The following ANO2 variants were observed in gnomAD, a reference collection of about 807,000 sequenced individuals.
ANO2 encodes anoctamin-2.
A neutral mutation model predicts 124.2 loss-of-function variants in ANO2; 101 were observed. The ratio of observed to expected loss-of-function variants is 0.81; its 90% confidence interval spans 0.69 to 0.96. The LOEUF is 0.96. ANO2 is among the 40% of genes least tolerant of loss of function. ANO2 has a pLI of 0.00. For synonymous variants in ANO2, 486 were observed against 482.5 expected (o/e 1.01, Z -0.09); for missense variants, 1,293 against 1,274.5 (o/e 1.01, Z -0.22).
At chr12:5,724,890 T>G (rs1950375678) in intron 14 of ANO2, among the ~76,000 whole-genome samples, 1 of 152,162 alleles carries the variant, frequency 6.6e-6, no homozygotes, top group Admixed American at 6.5e-5. Context: ...AATAGGATTT[T>G]GTTTTAAAGT....
chr12:5,591,603 G>C (rs1335975005), intron 20 of ANO2, among the ~76,000 whole-genome samples: 3 of 152,132 alleles, frequency 2.0e-5, no homozygotes, highest in Non-Finnish European at 4.4e-5. Flanking sequence ...ATTGAGAGAA[G>C]GGTGGGAGAG....
chr12:5,817,238 A>C (rs891335706), intron 7 of ANO2, among the ~76,000 whole-genome samples: 1 of 152,240 alleles, frequency 6.6e-6, no homozygotes, highest in Admixed American at 6.5e-5. Flanking sequence ...AAAACTCTGC[A>C]AGATAGATAT....
Position 5,787,793 on chromosome 12 carries a change from C to T in ANO2, c.1055+11714G>A, listed in dbSNP as rs1952580838. 6.6e-6 allele frequency among the ~76,000 whole-genome samples: 1 copy of T among 152,164 alleles called. No individual in the cohort carries two copies. Among genetic ancestry groups the T allele is most frequent in the Non-Finnish European group, 1.5e-5 (1 of 68,040 alleles). On this transcript the variant is annotated intron_variant, in intron 10 of 24. Transcript: ENST00000682330. This position sits in a 1 kb window ranked among gnomAD's most constrained non-coding sequence, Gnocchi z 4.2. ...GCCTTATATCTCCATTCCCATTACACTTCTGTCCTCCTCTCTAGTCATCTC... is the reference window on the plus strand; with the variant it reads ...GCCTTATATCTCCATTCCCATTACATTTCTGTCCTCCTCTCTAGTCATCTC...
intron 3 of ANO2, among the ~76,000 whole-genome samples, chr12:5,885,693 G>A (rs767022647): frequency 5.3e-5 from 8 of 152,144 alleles, no homozygotes; most frequent in Non-Finnish European, 1.0e-4. Context: ...CTAGCCCCGA[G>A]TTCTTTGAAA....
chr12:5,938,559 G>A (rs530450442), intron 1 of ANO2, among the ~76,000 whole-genome samples: 4 of 152,270 alleles, frequency 2.6e-5, no homozygotes, highest in Admixed American at 6.5e-5. Flanking sequence ...GGTGGCTCAC[G>A]CCTATAATCC....
chr12:5,563,425 A>G lies in ANO2; in HGVS notation c.2871T>C (p.Asp957=). 6.2e-7 allele frequency: 1 copy of G among 1,613,100 alleles called. No homozygotes were observed. Among genetic ancestry groups the G allele is most frequent in the African/African-American group, 1.3e-5 (1 of 75,030 alleles). The change falls in exon 25 of 25, where the codon GAT becomes GAC. Residue 957 remains aspartate (D), a synonymous_variant. Coordinates refer to ENST00000682330, the MANE Select transcript of ANO2 (RefSeq NM_001364791.2). ...KEEHEKLKLM[D]EPALRSPGGG... ...CTCCTGGGCTCCTCAGAGCCGGCTC[A>G]TCCATCAGCTTGAGCTTCTCATGCT...
intron 14 of ANO2, among the ~76,000 whole-genome samples, chr12:5,681,685 T>C (rs1179194355): frequency 1.3e-5 from 2 of 152,236 alleles, no homozygotes; most frequent in Non-Finnish European, 2.9e-5. Context: ...ACCTTTTCCT[T>C]CCTTATTCAG....
intron 16 of ANO2, among the ~76,000 whole-genome samples, chr12:5,634,244 G>C (rs1945883672): frequency 6.6e-6 from 1 of 152,124 alleles, no homozygotes; most frequent in African/African-American, 2.4e-5. Flanking sequence ...GGCCAAGCAA[G>C]GGAAAGGCAC....
intron 23 of ANO2, among the ~76,000 whole-genome samples, chr12:5,570,758 A>G (rs373860654): frequency 1.6e-4 from 24 of 152,236 alleles, no homozygotes; most frequent in Admixed American, 5.2e-4. Context: ...CATGTAAAAA[A>G]CATTTTAGTA....
At chr12:5,634,907 T>C (rs77850121) in intron 16 of ANO2, among the ~76,000 whole-genome samples, 5,416 of 152,276 alleles carry the variant, frequency 0.036, 309 homozygotes, top group African/African-American at 0.12. Context: ...CCCTGTCACA[T>C]GAGGCAATCA....
chr12:5,743,586 G>C (rs1177335712), intron 12 of ANO2, among the ~76,000 whole-genome samples: 6 of 152,000 alleles, frequency 3.9e-5, no homozygotes, highest in Non-Finnish European at 8.8e-5. Context: ...GAAAAATGAA[G>C]GAATTATTTT....
intron 10 of ANO2, among the ~76,000 whole-genome samples, chr12:5,794,743 G>A (rs936582212): frequency 7.2e-5 from 11 of 152,270 alleles, no homozygotes; most frequent in East Asian, 1.9e-4. Context: ...TCCCTTCATC[G>A]TTGTTGTGCC....
chr12:5,598,380 C>T (rs146885587), intron 20 of ANO2, among the ~76,000 whole-genome samples: 2 of 142,590 alleles, frequency 1.4e-5, no homozygotes, highest in Admixed American at 1.5e-4. Flanking sequence ...ATTTTTGAGA[C>T]AGACTCTCAT....
intron 10 of ANO2, among the ~76,000 whole-genome samples, chr12:5,756,955 A>G (rs1175498615): frequency 6.6e-6 from 1 of 152,240 alleles, no homozygotes; most frequent in Non-Finnish European, 1.5e-5. Context: ...ATATGGGCAG[A>G]GTTCCTTATG....
intron 11 of ANO2, among the ~76,000 whole-genome samples, chr12:5,750,129 C>T (rs1001873573): frequency 6.6e-6 from 1 of 151,512 alleles, no homozygotes; most frequent in Admixed American, 6.6e-5. Flanking sequence ...GAGATGAGGT[C>T]TCACTGTGTT....
intron 8 of ANO2, 74 bp from the exon 9 acceptor site, chr12:5,806,167 C>A (rs766403326): frequency 2.1e-6 from 3 of 1,461,822 alleles, no homozygotes; most frequent in Non-Finnish European, 2.8e-6. Context: ...AAAGGATTTT[C>A]TTTTTTATTT....
intron 14 of ANO2, among the ~76,000 whole-genome samples, chr12:5,693,476 C>T (rs1321817314): frequency 6.6e-6 from 1 of 152,166 alleles, no homozygotes; most frequent in Non-Finnish European, 1.5e-5. Flanking sequence ...TGGACCACTG[C>T]AACTGCCTCC....
At chr12:5,847,409 C>T (rs1159761227) in intron 4 of ANO2, among the ~76,000 whole-genome samples, 1 of 151,758 alleles carries the variant, frequency 6.6e-6, no homozygotes, top group East Asian at 1.9e-4. Flanking sequence ...ACTTCCCAGC[C>T]ACCATAATTG....
chr12:5,913,551 G>A (rs948637921), intron 3 of ANO2, among the ~76,000 whole-genome samples: 5 of 152,210 alleles, frequency 3.3e-5, no homozygotes, highest in Non-Finnish European at 7.3e-5. Context: ...TCTGGGGAGG[G>A]AGGAAGAGAA....
Sources: allele counts gnomAD v4.1 joint callset (sites outside exome capture counted in the v4.1 genomes callset), GRCh38; gene constraint gnomAD v4.1.1; non-coding constraint Gnocchi (gnomAD v3.1); transcripts MANE v1.5; gene names NCBI Gene and HGNC (gene_info 2026-07-23, HGNC 2026-07-21).